Variants in TTL observed in about 807,000 individuals in gnomAD.
TTL encodes tubulin tyrosine ligase, also known as tubulin--tyrosine ligase.
In TTL, 10 loss-of-function variants were observed where a neutral mutation model predicts 41.1. The observed-to-expected ratio is 0.24, with a 90% CI of 0.15 to 0.41. The LOEUF is 0.41. TTL is among the 10% of genes least tolerant of loss of function. TTL has a pLI of 1.00. For missense variants in TTL, 367 were observed against 460.4 expected (o/e 0.80, Z 1.86); for synonymous variants, 175 against 175.5 (o/e 1.00, Z 0.02).
chr2:112,516,446 T>A (rs917794464), intron 5 of TTL, among the ~76,000 whole-genome samples: 7 of 152,072 alleles, frequency 4.6e-5, no homozygotes, highest in Admixed American at 2.6e-4. Context: ...GAGACCAAGG[T>A]GGGTGGATCA....
chr2:112,523,456 T>A (rs993594010), intron 6 of TTL, among the ~76,000 whole-genome samples: 1 of 152,180 alleles, frequency 6.6e-6, no homozygotes, highest in African/African-American at 2.4e-5. Context: ...TAGCTGCCAC[T>A]GGAAAGTCTT....
chr2:112,523,331 TC>T (rs1218967575), intron 6 of TTL, among the ~76,000 whole-genome samples: 1,282 of 101,988 alleles, frequency 0.013, 22 homozygotes, highest in African/African-American at 0.042. Context: ...GAAGAAACTG[TC>T]TGTGGGTGTG....
chr2:112,524,811 A>C (rs1374706502), intron 6 of TTL, among the ~76,000 whole-genome samples: 1 of 151,886 alleles, frequency 6.6e-6, no homozygotes. Context: ...CCCATTTGTC[A>C]ATTTTTGCTT....
At chr2:112,515,258 G>T (rs1682035766) in intron 5 of TTL, among the ~76,000 whole-genome samples, 1 of 152,064 alleles carries the variant, frequency 6.6e-6, no homozygotes, top group Non-Finnish European at 1.5e-5. Context: ...GTTTTTGTAA[G>T]GTCTGTGGGC....
At chr2:112,514,901 A>T (rs1173168618) in intron 5 of TTL, among the ~76,000 whole-genome samples, 1 of 151,934 alleles carries the variant, frequency 6.6e-6, no homozygotes, top group Non-Finnish European at 1.5e-5. Context: ...TTATCTCCCC[A>T]TGGTTGTACT....
chr2:112,523,350 C>CTGTGTG (rs60321232), intron 6 of TTL, among the ~76,000 whole-genome samples: 7,530 of 149,770 alleles, frequency 0.05, 360 homozygotes, highest in African/African-American at 0.12. Flanking sequence ...GTGTGTGTGT[C>CTGTGTG]TGTGTGTGTG....
rs1388017403 is a variant in TTL, at chr2:112,540,429, AAAAC to A, written c.*11638_*11641del. The stretch of plus-strand genomic sequence containing the variant: ...GCAAAACTCTGTCTCAAAAAAACAA[AAAAC>A]AAAAAAAAAAAAAAAAGAGAAAGAA... On this transcript the variant is annotated 3_prime_UTR_variant, in exon 7 of 7. Transcript: ENST00000233336. The A allele has an allele frequency of 3.4e-5, 2 of 58,920 alleles. No homozygotes were observed. Among genetic ancestry groups the A allele is most frequent in the Non-Finnish European group, 1.1e-4 (2 of 17,832 alleles). 3.6% of individuals were successfully genotyped at this position (58,920 alleles called of 1,614,324 possible).
chr2:112,517,318 T>C (rs1459036687), intron 5 of TTL, among the ~76,000 whole-genome samples: 1 of 152,062 alleles, frequency 6.6e-6, no homozygotes, highest in African/African-American at 2.4e-5. Flanking sequence ...CGCAATCTCA[T>C]CTCATTTCAA....
At chr2:112,513,078 T>C (rs1261759652) in intron 5 of TTL, among the ~76,000 whole-genome samples, 1 of 152,048 alleles carries the variant, frequency 6.6e-6, no homozygotes, top group Non-Finnish European at 1.5e-5. Flanking sequence ...CCTTATAACA[T>C]AGTTCACTAA....
chr2:112,528,825 A>G lies in TTL; in HGVS notation c.*30A>G, dbSNP rs1267713476. On this transcript the variant is annotated 3_prime_UTR_variant, in exon 7 of 7. Transcript: ENST00000233336. ...GGGCACTCCCTGCTGCCTTGGAAAAAGCACGGGGTCCTGCTCCAGGGAATG... is the reference window on the plus strand; with the variant it reads ...GGGCACTCCCTGCTGCCTTGGAAAAGGCACGGGGTCCTGCTCCAGGGAATG... The G allele has an allele frequency of 2.0e-6, 3 of 1,527,598 alleles. No individual in the cohort carries two copies. The highest frequency in any genetic ancestry group is 3.3e-5 in the Admixed American group (2 of 59,942). 94.6% of individuals were successfully genotyped at this position (1,527,598 alleles called of 1,614,324 possible). A position where few individuals can be genotyped will look rare whatever the true frequency, so the allele number is the denominator to read the frequency against.
chr2:112,516,151 GCA>G (rs1682063660), intron 5 of TTL, among the ~76,000 whole-genome samples: 1 of 152,060 alleles, frequency 6.6e-6, no homozygotes, highest in Non-Finnish European at 1.5e-5. Context: ...CCATGTTATT[GCA>G]CATAACAGTA....
rs774162883 is a variant in TTL, at chr2:112,494,342, G to A, written c.436G>A (p.Val146Ile). Residue 146 changes from valine (V) to isoleucine (I), a missense_variant, in exon 3 of 7, where the codon GTT becomes ATT. By Grantham distance (29) the Val-to-Ile change is conservative. Transcript: ENST00000233336. ...NRKKEDGEGN[V>I]WIAKSSAGAK... ...AAAGAAAGAGGATGGAGAGGGCAAC[G>A]TTTGGATTGCAAAGTCATCAGCCGG... 2.5e-6 allele frequency: 4 copies of A among 1,614,128 alleles called. No individual in the cohort carries two copies. The highest frequency in any genetic ancestry group is 2.2e-5 in the East Asian group (1 of 44,886).
At chr2:112,517,102 C>T (rs976387475) in intron 5 of TTL, among the ~76,000 whole-genome samples, 11 of 142,336 alleles carry the variant, frequency 7.7e-5, no homozygotes, top group Non-Finnish European at 1.3e-4. Context: ...CTGTATAAGT[C>T]TCTGATGAGG....
Position 112,528,853 on chromosome 2 carries a change from G to A in TTL, c.*58G>A. ...ACGGGGTCCTGCTCCAGGGAATGGT[G>A]AAATGACTGGATTGCTCTTTATCCA... On this transcript the variant is annotated 3_prime_UTR_variant, in exon 7 of 7. Transcript: ENST00000233336. 1.5e-6 allele frequency: 2 copies of A among 1,322,010 alleles called. No individual in the cohort carries two copies. The highest frequency in any genetic ancestry group is 1.1e-6 in the Non-Finnish European group (1 of 914,302). The allele number at this position is 1,322,010 out of a possible 1,614,324, so 81.9% of individuals were successfully genotyped here. A position where few individuals can be genotyped will look rare whatever the true frequency, so the allele number is the denominator to read the frequency against.
intron 1 of TTL, 40 bp from the exon 2 acceptor site, chr2:112,485,877 G>A (rs748708178): frequency 3.8e-5 from 60 of 1,566,198 alleles, no homozygotes; most frequent in Non-Finnish European, 5.0e-5. Flanking sequence ...CCTGCTTGCT[G>A]TGTCCTGTGT....
intron 6 of TTL, among the ~76,000 whole-genome samples, chr2:112,527,412 A>C: frequency 6.6e-6 from 1 of 152,126 alleles, no homozygotes; most frequent in Non-Finnish European, 1.5e-5. Context: ...TGACAGTGGG[A>C]TGTTGAAGTC....
chr2:112,510,002 C>A (rs1203661822), intron 5 of TTL, among the ~76,000 whole-genome samples: 2 of 152,084 alleles, frequency 1.3e-5, no homozygotes, highest in East Asian at 3.8e-4. Flanking sequence ...TCAGTCTTTT[C>A]AAAAAATTAG....
intron 5 of TTL, among the ~76,000 whole-genome samples, chr2:112,507,599 T>C (rs1191294703): frequency 1.7e-5 from 2 of 119,572 alleles, no homozygotes; most frequent in East Asian, 6.3e-4. Context: ...TTGATCTTTG[T>C]TGATTTAAAG....
Position 112,530,208 on chromosome 2 carries a change from A to C in TTL, c.*1413A>C. 4.4e-6 allele frequency: 1 copy of C among 228,804 alleles called. No homozygotes were observed. Among genetic ancestry groups the C allele is most frequent in the Non-Finnish European group, 8.7e-6 (1 of 115,324 alleles). The allele number at this position is 228,804 out of a possible 1,614,324, so 14.2% of individuals were successfully genotyped here. A position where few individuals can be genotyped will look rare whatever the true frequency, so the allele number is the denominator to read the frequency against. On this transcript the variant is annotated 3_prime_UTR_variant, in exon 7 of 7. Transcript: ENST00000233336. The stretch of plus-strand genomic sequence containing the variant: ...CAGTCAGGTGAGACTTTTACAAAAG[A>C]GGAGAAAATCAATGCCTCCTTGAAC...
Sources: gnomAD v4.1 joint callset for allele counts (sites outside exome capture counted in the v4.1 genomes callset) on GRCh38, gnomAD v4.1.1 for gene constraint, MANE v1.5 for transcripts, NCBI Gene and HGNC (gene_info 2026-07-23, HGNC 2026-07-21) for gene names.